CDH23: variants seen among roughly 807,000 people sequenced by gnomAD.
CDH23 encodes the protein cadherin related 23.
CDH23 carries 189 observed loss-of-function variants against 317.1 expected under a neutral mutation model. That is an observed-to-expected ratio of 0.60 (90% CI 0.53 to 0.67). CDH23 has a LOEUF of 0.67. CDH23 is among the 30% of genes least tolerant of loss of function. The pLI, the probability that CDH23 is intolerant of heterozygous loss-of-function variation, is 0.00. For missense variants in CDH23, 4,401 were observed against 4,592.4 expected (o/e 0.96, Z 1.20); for synonymous variants, 1,839 against 1,876.8 (o/e 0.98, Z 0.52).
Position 71,690,503 on chromosome 10 carries a change from G to T in CDH23, c.2095G>T (p.Asp699Tyr), listed in dbSNP as rs1278514917. 6.2e-7 allele frequency: 1 copy of T among 1,610,898 alleles called. No homozygotes were observed. The highest frequency in any genetic ancestry group is 8.5e-7 in the Non-Finnish European group (1 of 1,178,680). ...GCTGTTCCTGAATGCCACAGACCTG[G>T]ACCGCTCCCGGGAGTACGGCCAGGA... ...TVLFLNATDLDRSREYGQESI... is the reference protein window; with the variant it reads ...TVLFLNATDLYRSREYGQESI... The change falls in exon 20 of 70, where the codon GAC (aspartate) becomes TAC (tyrosine). Residue 699 changes from aspartate (D) to tyrosine (Y), a missense_variant. This residue lies in a region of CDH23 where 3,068 missense variants were observed against 3,203.3 expected (regional missense o/e 0.96). Transcript: ENST00000224721.
chr10:71,524,358 A>G (rs1326745927), intron 6 of CDH23, among the ~76,000 whole-genome samples: 1 of 152,094 alleles, frequency 6.6e-6, no homozygotes, highest in Non-Finnish European at 1.5e-5. Flanking sequence ...AATTCCATGA[A>G]CCAGCCCTTG....
chr10:71,768,359 C>T (rs1564784687), intron 38 of CDH23, among the ~76,000 whole-genome samples: 5 of 152,196 alleles, frequency 3.3e-5, no homozygotes, highest in South Asian at 2.1e-4. Flanking sequence ...TTAGTAGAGA[C>T]GGGGTTTCAC....
intron 6 of CDH23, among the ~76,000 whole-genome samples, chr10:71,533,325 C>T (rs1855506855): frequency 6.6e-6 from 1 of 152,190 alleles, no homozygotes; most frequent in South Asian, 2.1e-4. Flanking sequence ...TCCCTGCCAC[C>T]TCACAGGGTT....
At chr10:71,645,031 G>C (rs936719479) in intron 12 of CDH23, among the ~76,000 whole-genome samples, 1 of 152,224 alleles carries the variant, frequency 6.6e-6, no homozygotes, top group Non-Finnish European at 1.5e-5. Flanking sequence ...ATGATCTGGA[G>C]ACTTCAGTCA....
At chr10:71,578,015 T>C in intron 9 of CDH23, 23 bp downstream of exon 9, 2 of 1,571,848 alleles carry the variant, frequency 1.3e-6, no homozygotes, top group East Asian at 2.3e-5. Flanking sequence ...GCTGCCCCTC[T>C]CTCCTCTCAC....
At chr10:71,615,381 G>A (rs1038326263) in intron 9 of CDH23, 123 bp from the exon 10 acceptor site, 3 of 715,290 alleles carry the variant, frequency 4.2e-6, no homozygotes, top group Non-Finnish European at 7.6e-6. Flanking sequence ...TTCATTTCAA[G>A]TAACTGATGA....
intron 2 of CDH23, 135 bp downstream of exon 2, chr10:71,440,033 A>T: frequency 1.4e-6 from 1 of 700,762 alleles, no homozygotes; most frequent in Non-Finnish European, 2.5e-6. Context: ...TGACTGAGGC[A>T]CATACTTCCC....
intron 24 of CDH23, among the ~76,000 whole-genome samples, chr10:71,704,364 C>T (rs1315250298): frequency 1.3e-5 from 2 of 152,162 alleles, no homozygotes; most frequent in Non-Finnish European, 2.9e-5. Flanking sequence ...TGGGAGGAGG[C>T]TTGCCTGTGC....
intron 11 of CDH23, among the ~76,000 whole-genome samples, chr10:71,635,903 C>T (rs1334267006): frequency 6.6e-6 from 1 of 152,064 alleles, no homozygotes; most frequent in African/African-American, 2.4e-5. Context: ...GGGCCTGCTT[C>T]CCACTGTGTC....
chr10:71,584,252 G>A (rs1381827652), intron 9 of CDH23, among the ~76,000 whole-genome samples: 1 of 151,924 alleles, frequency 6.6e-6, no homozygotes, highest in East Asian at 1.9e-4. Context: ...TGTCTAAAGT[G>A]GCTCCTGGGG....
chr10:71,683,401 G>A (rs1032532681), intron 18 of CDH23, among the ~76,000 whole-genome samples: 7 of 152,246 alleles, frequency 4.6e-5, no homozygotes, highest in Non-Finnish European at 7.3e-5. Context: ...CAGACATGCT[G>A]GAGAGCCTTC....
In CDH23 at chr10:71,494,815, C is replaced by T. The variant is rs142293117; in HGVS notation, c.146-15267C>T. On this transcript the variant is annotated intron_variant, in intron 3 of 69. Coordinates refer to ENST00000224721, the MANE Select transcript of CDH23 (RefSeq NM_022124.6). ...TCCTGCTACCCCGGCACCCATAACC[C>T]CCAGTTGATCTCAGAGACTGAGTAC... Among the ~76,000 whole-genome samples the T allele has an allele frequency of 7.3e-3, 1,111 of 152,292 alleles. 18 individuals carry two copies. The highest frequency in any genetic ancestry group is 0.025 in the African/African-American group (1,041 of 41,560).
At chr10:71,552,679 G>A (rs951700655) in intron 6 of CDH23, among the ~76,000 whole-genome samples, 1 of 152,214 alleles carries the variant, frequency 6.6e-6, no homozygotes, top group Non-Finnish European at 1.5e-5. Context: ...TGAGCAGGAA[G>A]GGAGTGCGGA....
chr10:71,396,961 A>G lies in CDH23; in HGVS notation c.-363A>G. On this transcript the variant is annotated 5_prime_UTR_variant, in exon 1 of 70. Coordinates refer to ENST00000224721, the MANE Select transcript of CDH23 (RefSeq NM_022124.6). The surrounding 1 kb of genome is among the most constrained non-coding windows in gnomAD (Gnocchi z 4.2). Reference sequence around the variant, plus strand: ...GGCGGCGGCGGCTCGGGAGAGAGGGACGCGGGCTGCAGGCGCGATGCTTGG... The same window carrying G: ...GGCGGCGGCGGCTCGGGAGAGAGGGGCGCGGGCTGCAGGCGCGATGCTTGG... The G allele has an allele frequency of 6.6e-6, 1 of 152,264 alleles. No individual in the cohort carries two copies. Among genetic ancestry groups the G allele is most frequent in the Non-Finnish European group, 1.5e-5 (1 of 68,752 alleles). 9.4% of individuals were successfully genotyped at this position (152,264 alleles called of 1,614,324 possible).
chr10:71,453,997 G>A (rs781536566), intron 3 of CDH23, among the ~76,000 whole-genome samples: 2 of 152,178 alleles, frequency 1.3e-5, no homozygotes, highest in Non-Finnish European at 2.9e-5. Context: ...AACTTTGGTT[G>A]GAGTTAAGAT....
chr10:71,804,132 C>T (rs1841642858), intron 55 of CDH23, among the ~76,000 whole-genome samples: 1 of 152,152 alleles, frequency 6.6e-6, no homozygotes, highest in Non-Finnish European at 1.5e-5. Context: ...TACTCCATCT[C>T]TTGCTCCTAG....
Position 71,808,052 on chromosome 10 carries a change from A to T in CDH23, c.8722+45A>T, listed in dbSNP as rs747610334. On this transcript the variant is annotated intron_variant, in intron 60 of 69. Coordinates refer to ENST00000224721, the MANE Select transcript of CDH23 (RefSeq NM_022124.6). The stretch of plus-strand genomic sequence containing the variant: ...GAGTGGCCTCTAGCCATGACCTCTC[A>T]GTCACTGCATGGACTGTCATCTGGG... The T allele has an allele frequency of 2.5e-4, 389 of 1,555,110 alleles. 3 individuals carry two copies. In the South Asian group the frequency reaches 2.5e-3, roughly 10 times the overall value.
At chr10:71,526,649 A>G (rs1041491472) in intron 6 of CDH23, among the ~76,000 whole-genome samples, 3 of 152,218 alleles carry the variant, frequency 2.0e-5, no homozygotes, top group Non-Finnish European at 2.9e-5. Context: ...TCTGTATCTT[A>G]TCATTTCCTT....
chr10:71,804,662 G>T (rs146135356), intron 55 of CDH23, among the ~76,000 whole-genome samples: 1 of 152,246 alleles, frequency 6.6e-6, no homozygotes, highest in African/African-American at 2.4e-5. Context: ...TTGAGCAGTC[G>T]GTCCTCTTTG....
Sources: allele counts gnomAD v4.1 joint callset (sites outside exome capture counted in the v4.1 genomes callset), GRCh38; gene constraint gnomAD v4.1.1; regional missense constraint gnomAD v4.1.1; non-coding constraint Gnocchi (gnomAD v3.1); transcripts MANE v1.5; gene names NCBI Gene and HGNC (gene_info 2026-07-23, HGNC 2026-07-21).